TANK: variants seen among roughly 807,000 people sequenced by gnomAD.
TANK encodes TRAF family member associated NFKB activator.
Under a neutral mutation model 43.6 loss-of-function variants are expected in TANK, and 15 were observed. The ratio of observed to expected loss-of-function variants is 0.34; its 90% CI spans 0.23 to 0.53. The LOEUF (loss-of-function observed/expected upper bound fraction) is 0.53. Ranked by LOEUF, TANK falls within the 20% of genes least tolerant of loss-of-function variation. The pLI is 0.94. For missense variants in TANK, 417 were observed against 498.6 expected (o/e 0.84, Z 1.56); for synonymous variants, 162 against 178.2 (o/e 0.91, Z 0.73).
At chr2:161,158,879 G>A (rs547820090), upstream of TANK, among the ~76,000 whole-genome samples, 2 of 152,142 alleles carry the variant, frequency 1.3e-5, no homozygotes, top group South Asian at 4.1e-4. Flanking sequence ...ATTAAAAAAT[G>A]GGCCAAAGGC....
intron 1 of TANK, among the ~76,000 whole-genome samples, chr2:161,178,947 T>C (rs968297228): frequency 6.6e-6 from 1 of 152,130 alleles, no homozygotes; most frequent in Non-Finnish European, 1.5e-5. Flanking sequence ...TTATGCAGAC[T>C]GAGGTTATAA....
At chr2:161,225,589 A>G (rs1687574677) in intron 6 of TANK, among the ~76,000 whole-genome samples, 2 of 152,164 alleles carry the variant, frequency 1.3e-5, no homozygotes, top group Admixed American at 1.3e-4. Flanking sequence ...CTGGCAACCA[A>G]ACACTTCTGC....
At chr2:161,177,343 T>C (rs1267079) in intron 1 of TANK, among the ~76,000 whole-genome samples, 40,403 of 152,052 alleles carry the variant, frequency 0.27, 5,714 homozygotes, top group East Asian at 0.4. Flanking sequence ...AATGAAAGAC[T>C]TTGGCTGAAA....
intron 1 of TANK, among the ~76,000 whole-genome samples, chr2:161,147,110 C>T (rs1029668550): frequency 4.6e-5 from 7 of 152,032 alleles, no homozygotes; most frequent in African/African-American, 1.4e-4. Context: ...CGCAGTTTGC[C>T]ACAGCTGGTG....
rs144526006 is a variant in TANK, at chr2:161,145,133, C to CTTTT, written c.-50+8094_-50+8097dup. Among the ~76,000 whole-genome samples the CTTTT allele has an allele frequency of 6.1e-5, 2 of 32,880 alleles. 1 individual carries two copies. The highest frequency in any genetic ancestry group is 2.6e-4 in the African/African-American group (2 of 7,602). 21.6% of individuals were successfully genotyped at this position (32,880 alleles called of 152,430 possible). On this transcript the variant is annotated intron_variant, in intron 1 of 7. Transcript: ENST00000259075. ...TAGGAGACTAGGACTGCAACCCCTG[C>CTTTT]TTTTTTTTTTTTTTTTTTTTTTTTT...
In TANK at chr2:161,163,747, G is replaced by A. The variant is rs768002933; in HGVS notation, c.-50+3261G>A. Among the ~76,000 whole-genome samples, 5 of 152,140 alleles carry A rather than the reference G, an allele frequency of 3.3e-5. No homozygotes were observed. In the South Asian group the frequency reaches 8.3e-4, roughly 25 times the overall value. On this transcript the variant is annotated intron_variant, in intron 1 of 7. Coordinates refer to ENST00000392749, the MANE Select transcript of TANK (RefSeq NM_001199135.3). ...GTGAAAAAATATACAAGCTTAACAT[G>A]CTTATACTTATTTAACATGAAGTGA...
chr2:161,156,250 A>G (rs1416161467), upstream of TANK: 3 of 985,342 alleles, frequency 3.0e-6, no homozygotes, highest in Non-Finnish European at 3.6e-6. Flanking sequence ...TTTTACTCTA[A>G]TCATTGATTT....
chr2:161,220,849 A>G (rs1056481035), intron 4 of TANK, among the ~76,000 whole-genome samples: 6 of 152,350 alleles, frequency 3.9e-5, no homozygotes, highest in East Asian at 1.9e-4. Context: ...ATGGGAAACA[A>G]AAACATTTTT....
intron 2 of TANK, among the ~76,000 whole-genome samples, chr2:161,193,988 A>G (rs567819713): frequency 2.7e-4 from 41 of 152,054 alleles, no homozygotes; most frequent in Non-Finnish European, 5.4e-4. Flanking sequence ...GTATCACAAG[A>G]CTCCATAATA....
intron 4 of TANK, chr2:161,219,628 C>T: frequency 5.7e-6 from 2 of 349,416 alleles, no homozygotes; most frequent in Admixed American, 4.5e-5. Context: ...TATGTTTATT[C>T]TTATCAAATA....
intron 1 of TANK, chr2:161,161,052 A>T: frequency 1.6e-6 from 1 of 627,284 alleles, no homozygotes; most frequent in Non-Finnish European, 2.6e-6. Context: ...GTGGGTGGCC[A>T]AGGCAGGAAG....
chr2:161,219,796 C>T (rs754612256), intron 4 of TANK: 1 of 439,832 alleles, frequency 2.3e-6, no homozygotes, highest in Non-Finnish European at 4.6e-6. Context: ...AAATATTCAA[C>T]CTCAGTTCCT....
intron 1 of TANK, chr2:161,161,050 C>A: frequency 1.6e-6 from 1 of 614,902 alleles, no homozygotes; most frequent in Non-Finnish European, 2.7e-6. Flanking sequence ...GAGTGGGTGG[C>A]CAAGGCAGGA....
At chr2:161,151,236 A>G (rs1684072225) in intron 1 of TANK, among the ~76,000 whole-genome samples, 1 of 152,194 alleles carries the variant, frequency 6.6e-6, no homozygotes, top group South Asian at 2.1e-4. Context: ...CTTGAGAAGA[A>G]TGTATATTCA....
intron 4 of TANK, among the ~76,000 whole-genome samples, chr2:161,205,386 G>T (rs1574034625): frequency 2.0e-5 from 3 of 151,700 alleles, no homozygotes; most frequent in East Asian, 3.9e-4. Flanking sequence ...TGTGTGTGTG[G>T]TGTGTGTGTG....
At chr2:161,188,161 AC>A in intron 2 of TANK, among the ~76,000 whole-genome samples, 1 of 152,238 alleles carries the variant, frequency 6.6e-6, no homozygotes, top group African/African-American at 2.4e-5. Flanking sequence ...AAAGAACTAA[AC>A]CCAAAACTAG....
intron 6 of TANK, chr2:161,227,052 A>AT (rs1687668558): frequency 6.6e-6 from 1 of 152,204 alleles, no homozygotes; most frequent in African/African-American, 2.4e-5. Flanking sequence ...TGCTCACCTG[A>AT]TCATGTTTCT....
At chr2:161,213,599 CAA>C (rs534652154) in intron 4 of TANK, among the ~76,000 whole-genome samples, 12 of 54,648 alleles carry the variant, frequency 2.2e-4, no homozygotes, top group Non-Finnish European at 3.1e-4. Flanking sequence ...GACTTTGTCT[CAA>C]AAAAAAAAAA....
At chr2:161,183,817 T>C (rs1450920026) in intron 2 of TANK, among the ~76,000 whole-genome samples, 1 of 151,924 alleles carries the variant, frequency 6.6e-6, no homozygotes, top group South Asian at 2.1e-4. Context: ...AATACTGAAA[T>C]AAATAAAATA....
Sources: gnomAD v4.1 joint callset for allele counts (sites outside exome capture counted in the v4.1 genomes callset) on GRCh38, gnomAD v4.1.1 for gene constraint, MANE v1.5 for transcripts, NCBI Gene and HGNC (gene_info 2026-07-23, HGNC 2026-07-21) for gene names.